Variants in RPTOR observed in about 807,000 individuals in gnomAD.
RPTOR encodes the protein regulatory-associated protein of mTOR.
A neutral mutation model predicts 169.9 loss-of-function variants in RPTOR; 21 were observed. The ratio of observed to expected loss-of-function variants is 0.12; its 90% CI spans 0.09 to 0.18. The LOEUF (loss-of-function observed/expected upper bound fraction) is 0.18, where lower values mean the gene tolerates loss of function less well. Among genes scored for constraint, RPTOR ranks in the 10% least tolerant of loss-of-function variants. RPTOR has a pLI of 1.00. For missense variants in RPTOR, 1,133 were observed against 1,855.9 expected (o/e 0.61, Z 7.16); for synonymous variants, 732 against 753.2 (o/e 0.97, Z 0.46).
intron 28 of RPTOR, among the ~76,000 whole-genome samples, chr17:80,951,372 C>G (rs1232328165): frequency 1.3e-5 from 2 of 152,228 alleles, no homozygotes; most frequent in Non-Finnish European, 2.9e-5. Flanking sequence ...GCGGCCTTCT[C>G]GGCCCAGACC....
At chr17:80,841,886 T>A (rs1444174138) in intron 10 of RPTOR, among the ~76,000 whole-genome samples, 1 of 71,432 alleles carries the variant, frequency 1.4e-5, no homozygotes, top group African/African-American at 6.6e-5. Flanking sequence ...CGCAGCTCAC[T>A]CTTACCGCAC....
chr17:80,880,107 C>G lies in RPTOR; in HGVS notation c.1510-308C>G, dbSNP rs983026227. On this transcript the variant is annotated intron_variant, in intron 13 of 33. Transcript: ENST00000306801. ...GAGGGCAGAGGGAGGGAGCGGGACC[C>G]CTGGAGAGGAGCGGGGTGCAGGCAG... Among the ~76,000 whole-genome samples the G allele has an allele frequency of 7.2e-5, 11 of 152,182 alleles. No homozygotes were observed. The South Asian group carries it at 2.1e-3, about 29-fold the overall frequency.
At chr17:80,634,353 CGTACTGTGTGTGCATACTGTGT>C (rs2065473284) in intron 2 of RPTOR, among the ~76,000 whole-genome samples, 1 of 87,286 alleles carries the variant, frequency 1.1e-5, no homozygotes, top group African/African-American at 4.3e-5. Flanking sequence ...TGTGCATGTG[CGTACTGTGTGTGCATACTGTGT>C]GTGTGCATAC....
At position 80,845,596 on chromosome 17, in the gene RPTOR, G is replaced by A. The variant is rs1428304727; in HGVS notation, c.1213-877G>A. Reference sequence around the variant, plus strand: ...TCCAGTCCCATCCCCCAGCCTGCCCGAGGATGCCCTCCAGCAGCCTTTCCC... The same window carrying A: ...TCCAGTCCCATCCCCCAGCCTGCCCAAGGATGCCCTCCAGCAGCCTTTCCC... On this transcript the variant is annotated intron_variant, in intron 10 of 33. Coordinates refer to ENST00000306801, the MANE Select transcript of RPTOR (RefSeq NM_020761.3). This position sits in a 1 kb window ranked among gnomAD's most constrained non-coding sequence, Gnocchi z 5.4. Among the ~76,000 whole-genome samples the A allele has an allele frequency of 6.8e-6, 1 of 147,238 alleles. No individual in the cohort carries two copies. The highest frequency in any genetic ancestry group is 1.5e-5 in the Non-Finnish European group (1 of 67,136).
chr17:80,774,695 G>A (rs144910840), intron 6 of RPTOR, among the ~76,000 whole-genome samples: 166 of 152,250 alleles, frequency 1.1e-3, no homozygotes, highest in African/African-American at 3.9e-3. Flanking sequence ...CAGAGCTTTC[G>A]GCAGGGACAG....
rs1157130934 is a variant in RPTOR, at chr17:80,959,009, G to A, written c.3478-1069G>A. ...CGGGCAGGCCATCTGGTGTCAGGAG[G>A]GATGGCTCAGCCCTGCTGCCGTAGA... On this transcript the variant is annotated intron_variant, in intron 29 of 33. Coordinates refer to ENST00000306801, the MANE Select transcript of RPTOR (RefSeq NM_020761.3). The surrounding 1 kb of genome is among the most constrained non-coding windows in gnomAD (Gnocchi z 6.7). Among the ~76,000 whole-genome samples, 1 of 152,244 alleles carries A rather than the reference G, an allele frequency of 6.6e-6. No homozygotes were observed. The highest frequency in any genetic ancestry group is 2.4e-5 in the African/African-American group (1 of 41,472).
At chr17:80,590,041 A>C (rs1222132176) in intron 1 of RPTOR, among the ~76,000 whole-genome samples, 1 of 152,260 alleles carries the variant, frequency 6.6e-6, no homozygotes, top group East Asian at 1.9e-4. Flanking sequence ...TCTCCATCAG[A>C]TTAAGGAAGG....
rs35843489 is a variant in RPTOR, at chr17:80,609,773, TTG to T, written c.163-15884_163-15883del. On this transcript the variant is annotated intron_variant, in intron 1 of 33. Transcript: ENST00000306801. This position sits in a 1 kb window ranked among gnomAD's most constrained non-coding sequence, Gnocchi z 4.8. ...AAAAAAAAAAAGTTTAAGGTGTTGG[TTG>T]TGTGTGTGTGTGTGTGTGTGTGTGT... 0.26 allele frequency among the ~76,000 whole-genome samples: 37,695 copies of T among 142,728 alleles called. 4,803 individuals are homozygous for T. Among genetic ancestry groups the T allele is most frequent in the African/African-American group, 0.3 (11,597 of 38,706 alleles). 93.6% of individuals were successfully genotyped at this position (142,728 alleles called of 152,430 possible).
chr17:80,937,427 T>C (rs1172888933), intron 24 of RPTOR, among the ~76,000 whole-genome samples: 1 of 152,202 alleles, frequency 6.6e-6, no homozygotes. Context: ...CTGGGGAACC[T>C]CTAATCTCCC....
intron 1 of RPTOR, among the ~76,000 whole-genome samples, chr17:80,595,842 C>G (rs2065140879): frequency 6.6e-6 from 1 of 152,132 alleles, no homozygotes; most frequent in Non-Finnish European, 1.5e-5. Flanking sequence ...CTGGTACTGC[C>G]AGGCTATTTT....
chr17:80,682,877 T>C (rs930986110), intron 3 of RPTOR, among the ~76,000 whole-genome samples: 1 of 152,120 alleles, frequency 6.6e-6, no homozygotes, highest in Non-Finnish European at 1.5e-5. Context: ...CATAGCTCAC[T>C]GCAGCCTTGA....
rs1198277550 is a variant in RPTOR, at chr17:80,659,677, C to A, written c.348+15867C>A. ...ACGCACCAGCACACTCGGCTAATTT[C>A]TGTATTTTTAGTAGAGATGTGGTTT... is the stretch of plus-strand genomic sequence containing the variant. On this transcript the variant is annotated intron_variant, in intron 3 of 33. Transcript: ENST00000306801. This position sits in a 1 kb window ranked among gnomAD's most constrained non-coding sequence, Gnocchi z 4.3. 1.3e-5 allele frequency among the ~76,000 whole-genome samples: 2 copies of A among 151,938 alleles called. No homozygotes were observed. Among genetic ancestry groups the A allele is most frequent in the Non-Finnish European group, 2.9e-5 (2 of 67,958 alleles).
intron 6 of RPTOR, among the ~76,000 whole-genome samples, chr17:80,769,833 G>A (rs1174310732): frequency 6.6e-6 from 1 of 152,180 alleles, no homozygotes; most frequent in Non-Finnish European, 1.5e-5. Flanking sequence ...GCCAGGACAC[G>A]AGAGGGAGGG....
At position 80,796,475 on chromosome 17, in the gene RPTOR, C is replaced by G. The variant is rs554326370; in HGVS notation, c.890+4966C>G. ...AGGCATGTCTTACATGGCAGGAGAG[C>G]GAGAGCACACCAGGGAAGGGGAAGT... On this transcript the variant is annotated intron_variant, in intron 7 of 33. Transcript: ENST00000306801. Among the ~76,000 whole-genome samples, 3 of 152,108 alleles carry G rather than the reference C, an allele frequency of 2.0e-5. No homozygotes were observed. The East Asian group carries it at 5.8e-4, about 29-fold the overall frequency.
chr17:80,895,938 T>C lies in RPTOR; in HGVS notation c.2401+2073T>C, dbSNP rs528686356. On this transcript the variant is annotated intron_variant, in intron 20 of 33. Coordinates refer to ENST00000306801, the MANE Select transcript of RPTOR (RefSeq NM_020761.3). ...CAGCATTCATCACAGTTCTGGGTGC[T>C]GATTCCTGGCTGAATATATCCATCG... 3.3e-5 allele frequency among the ~76,000 whole-genome samples: 5 copies of C among 152,356 alleles called. No homozygotes were observed. In the East Asian group the frequency reaches 7.7e-4, roughly 24 times the overall value.
At chr17:80,851,967 T>G (rs2067797923) in intron 11 of RPTOR, among the ~76,000 whole-genome samples, 1 of 152,244 alleles carries the variant, frequency 6.6e-6, no homozygotes, top group Non-Finnish European at 1.5e-5. Context: ...GATGATGTCT[T>G]TGATTTCTGA....
chr17:80,872,995 G>A (rs1020041808), intron 13 of RPTOR, among the ~76,000 whole-genome samples: 20 of 152,248 alleles, frequency 1.3e-4, no homozygotes, highest in Non-Finnish European at 2.4e-4. Flanking sequence ...CACTGAGGAG[G>A]CCCCGGGGGG....
chr17:80,868,504 G>A (rs1041926335), intron 13 of RPTOR, among the ~76,000 whole-genome samples: 20 of 152,188 alleles, frequency 1.3e-4, no homozygotes, highest in African/African-American at 4.8e-4. Context: ...TGGAGGAACT[G>A]GAACCCTCGT....
chr17:80,918,398 C>T (rs1355645019), intron 21 of RPTOR, among the ~76,000 whole-genome samples: 2 of 142,318 alleles, frequency 1.4e-5, no homozygotes, highest in African/African-American at 5.4e-5. Flanking sequence ...CAGCGGCTGC[C>T]CCACGAGCAC....
Sources: gnomAD v4.1 joint callset for allele counts (sites outside exome capture counted in the v4.1 genomes callset) on GRCh38, gnomAD v4.1.1 for gene constraint, Gnocchi (gnomAD v3.1) non-coding constraint, MANE v1.5 for transcripts, NCBI Gene and HGNC (gene_info 2026-07-23, HGNC 2026-07-21) for gene names.